STAT4: variants seen among roughly 807,000 people sequenced by gnomAD.
STAT4 encodes signal transducer and activator of transcription 4.
Under a neutral mutation model 110.5 loss-of-function variants are expected in STAT4, and 42 were observed. The ratio of observed to expected loss-of-function variants is 0.38; its 90% confidence interval spans 0.30 to 0.49. The LOEUF (loss-of-function observed/expected upper bound fraction) is 0.49, where lower values mean the gene tolerates loss of function less well. Ranked by LOEUF, STAT4 falls within the 20% of genes least tolerant of loss-of-function variation. STAT4 has a pLI of 0.95. For missense variants in STAT4, 632 were observed against 887.9 expected (o/e 0.71, Z 3.66); for synonymous variants, 284 against 302.2 (o/e 0.94, Z 0.63).
intron 3 of STAT4, among the ~76,000 whole-genome samples, chr2:191,088,080 G>A (rs144977702): frequency 6.6e-6 from 1 of 152,120 alleles, no homozygotes; most frequent in Non-Finnish European, 1.5e-5. Flanking sequence ...TATACAAATA[G>A]GGAAGGATGT....
Position 191,062,832 on chromosome 2 carries a change from C to G in STAT4, c.871G>C (p.Asp291His). Residue 291 changes from aspartate (D) to histidine (H), a missense_variant, in exon 9 of 24, where the codon GAT becomes CAT. By Grantham distance (81) the Asp-to-His change is moderately conservative (BLOSUM62 -1). Around this residue, in one of 4 missense-constraint regions of STAT4, gnomAD observed 488 missense variants for 632.8 expected, o/e 0.77. Coordinates refer to ENST00000392320, the MANE Select transcript of STAT4 (RefSeq NM_003151.4). The surrounding 1 kb of genome is among the most constrained non-coding windows in gnomAD (Gnocchi z 4.9). ...EQSTKMTYEGDPIPMQRTHML... is the reference protein window; with the variant it reads ...EQSTKMTYEGHPIPMQRTHML... ...TGAGTTCTTTGCATTGGAATGGGAT[C>G]ACCTTCATATGTCATTTTGGTAGAT... 6.2e-7 allele frequency: 1 copy of G among 1,613,926 alleles called. No homozygotes were observed. The highest frequency in any genetic ancestry group is 8.5e-7 in the Non-Finnish European group (1 of 1,179,886).
At chr2:191,055,036 GA>G (rs1696641945) in intron 13 of STAT4, among the ~76,000 whole-genome samples, 1 of 151,756 alleles carries the variant, frequency 6.6e-6, no homozygotes, top group South Asian at 2.1e-4. Flanking sequence ...ATTACTGAAT[GA>G]AAAAAAGAGG....
intron 3 of STAT4, among the ~76,000 whole-genome samples, chr2:191,094,935 A>AG (rs1248030638): frequency 3.3e-5 from 5 of 151,400 alleles, no homozygotes; most frequent in Non-Finnish European, 7.4e-5. Flanking sequence ...AAAAAAAAAA[A>AG]AAAGTAGGGG....
Position 191,053,927 on chromosome 2 carries a change from A to G in STAT4, c.1251+563T>C, listed in dbSNP as rs2125204809. Among the ~76,000 whole-genome samples, 1 of 152,298 alleles carries G rather than the reference A, an allele frequency of 6.6e-6. No homozygotes were observed. Among genetic ancestry groups the G allele is most frequent in the South Asian group, 2.1e-4 (1 of 4,830 alleles). On this transcript the variant is annotated intron_variant, in intron 14 of 23. Coordinates refer to ENST00000392320, the MANE Select transcript of STAT4 (RefSeq NM_003151.4). This position sits in a 1 kb window ranked among gnomAD's most constrained non-coding sequence, Gnocchi z 4.5. ...TGGATCACTTGAGCCAAGGGGTTCAAGACCAGCCTGGGAAACATGGTGGGA... is the reference window on the plus strand; with the variant it reads ...TGGATCACTTGAGCCAAGGGGTTCAGGACCAGCCTGGGAAACATGGTGGGA...
chr2:191,052,931 C>T (rs1696572746), intron 14 of STAT4, among the ~76,000 whole-genome samples: 1 of 152,150 alleles, frequency 6.6e-6, no homozygotes. Flanking sequence ...ACTGCAGAGA[C>T]CTGCTTAGGG....
chr2:191,132,035 C>T, intron 3 of STAT4: 1 of 1,105,722 alleles, frequency 9.0e-7, no homozygotes, highest in Non-Finnish European at 1.2e-6. Flanking sequence ...TGGAACATAA[C>T]TGAAGAGAAA....
Position 191,144,255 on chromosome 2 carries a change from T to G in STAT4, c.273+2358A>C, listed in dbSNP as rs1699405989. On this transcript the variant is annotated intron_variant, in intron 3 of 23. Transcript: ENST00000392320. This position sits in a 1 kb window ranked among gnomAD's most constrained non-coding sequence, Gnocchi z 4.7. ...GGAGATGCTGCTTACCTTGTAGTTG[T>G]TGCTGGAGGGCTGGAGGATGAGAAC... Among the ~76,000 whole-genome samples, 1 of 152,144 alleles carries G rather than the reference T, an allele frequency of 6.6e-6. No individual in the cohort carries two copies. Among genetic ancestry groups the G allele is most frequent in the Admixed American group, 6.5e-5 (1 of 15,280 alleles).
intron 3 of STAT4, among the ~76,000 whole-genome samples, chr2:191,145,904 T>A (rs556909416): frequency 6.6e-6 from 1 of 152,264 alleles, no homozygotes; most frequent in Admixed American, 6.5e-5. Context: ...ATTCTTTAGA[T>A]CCCTGATTCA....
chr2:191,076,280 T>G lies in STAT4; in HGVS notation c.319A>C (p.Asn107His), dbSNP rs1337434431. 1 of 1,613,886 alleles carries G rather than the reference T, an allele frequency of 6.2e-7. No homozygotes were observed. The highest frequency in any genetic ancestry group is 1.1e-5 in the South Asian group (1 of 91,076). The change falls in exon 4 of 24, where the codon AAC (asparagine) becomes CAC (histidine). Residue 107 changes from asparagine (N) to histidine (H), a missense_variant. Physicochemically the swap from Asn to His is moderately conservative, Grantham distance 68. Transcript: ENST00000392320. ...ATTCTCCTCTCTTCCCTTAAACAGTTTGAAATAACCACAGCTACATGCATT... is the reference window on the plus strand; with the variant it reads ...ATTCTCCTCTCTTCCCTTAAACAGTGTGAAATAACCACAGCTACATGCATT... ...NPMHVAVVIS[N>H]CLREERRILA...
Position 191,061,818 on chromosome 2 carries a change from T to C in STAT4, c.945A>G (p.Ser315=). 6.2e-7 allele frequency: 1 copy of C among 1,610,960 alleles called. No homozygotes were observed. The highest frequency in any genetic ancestry group is 1.1e-5 in the South Asian group (1 of 90,198). The change falls in exon 10 of 24, where the codon TCA becomes TCG. Residue 315 remains serine, a synonymous_variant. Coordinates refer to ENST00000392320, the MANE Select transcript of STAT4 (RefSeq NM_003151.4). This position sits in a 1 kb window ranked among gnomAD's most constrained non-coding sequence, Gnocchi z 6.2. ...TFLIYNLFKN[S]FVVERQPCMP... is the part of the protein sequence containing the mutation. ...TACATGGCTGTCGCTCAACCACAAA[T>C]GAGCTAGATGAAAAGGAAATAAAGC...
chr2:191,042,354 A>G lies in STAT4; in HGVS notation c.1252-1206T>C, dbSNP rs1167772296. ...AAATAAATAAATAAAAGAATAAAAA[A>G]ACAGTGAAAAAAGTCTACTGTATTC... On this transcript the variant is annotated intron_variant, in intron 14 of 23. Transcript: ENST00000392320. The surrounding 1 kb of genome is among the most constrained non-coding windows in gnomAD (Gnocchi z 4.2). Among the ~76,000 whole-genome samples, 1 of 152,224 alleles carries G rather than the reference A, an allele frequency of 6.6e-6. No homozygotes were observed. The highest frequency in any genetic ancestry group is 2.4e-5 in the African/African-American group (1 of 41,466).
At chr2:191,148,332 C>G in intron 1 of STAT4, 128 bp from the exon 2 acceptor site, 1 of 1,230,594 alleles carries the variant, frequency 8.1e-7, no homozygotes, top group Non-Finnish European at 1.1e-6. Flanking sequence ...ACAAAAATTT[C>G]ACTAAGGTTT....
At chr2:191,052,226 G>T (rs984537451) in intron 14 of STAT4, among the ~76,000 whole-genome samples, 1 of 152,012 alleles carries the variant, frequency 6.6e-6, no homozygotes, top group African/African-American at 2.4e-5. Context: ...CCTGATTCCC[G>T]GTTTATCTTC....
intron 13 of STAT4, among the ~76,000 whole-genome samples, chr2:191,055,305 T>C (rs1428364456): frequency 6.6e-6 from 1 of 151,592 alleles, no homozygotes; most frequent in Non-Finnish European, 1.5e-5. Context: ...TTCATGCCAT[T>C]TTCCTGCCTC....
At chr2:191,096,619 T>G (rs1486560496) in intron 3 of STAT4, among the ~76,000 whole-genome samples, 1 of 152,118 alleles carries the variant, frequency 6.6e-6, no homozygotes, top group African/African-American at 2.4e-5. Flanking sequence ...GGAATGTATC[T>G]CAAAATAATA....
chr2:191,143,520 G>A lies in STAT4; in HGVS notation c.273+3093C>T, dbSNP rs1271776641. Among the ~76,000 whole-genome samples the A allele has an allele frequency of 3.3e-5, 5 of 152,090 alleles. No homozygotes were observed. Among genetic ancestry groups the A allele is most frequent in the African/African-American group, 4.8e-5 (2 of 41,412 alleles). ...CTTGGAGCTTCTTGAATTTGCCATCGGGAAACTGGTTTTGTTTTGTCCTTT... is the reference window on the plus strand; with the variant it reads ...CTTGGAGCTTCTTGAATTTGCCATCAGGAAACTGGTTTTGTTTTGTCCTTT... On this transcript the variant is annotated intron_variant, in intron 3 of 23. Coordinates refer to ENST00000392320, the MANE Select transcript of STAT4 (RefSeq NM_003151.4). This position sits in a 1 kb window ranked among gnomAD's most constrained non-coding sequence, Gnocchi z 5.6.
At position 191,082,304 on chromosome 2, in the gene STAT4, G is replaced by T. The variant is rs532862851; in HGVS notation, c.274-5979C>A. On this transcript the variant is annotated intron_variant, in intron 3 of 23. Transcript: ENST00000392320. The surrounding 1 kb of genome is among the most constrained non-coding windows in gnomAD (Gnocchi z 4.7). ...TATCAAATTTGTACCCTGCTGATTT[G>T]TTCCCGTCCCTTTCTGCATACATAA... Among the ~76,000 whole-genome samples the T allele has an allele frequency of 2.7e-4, 41 of 152,236 alleles. No individual in the cohort carries two copies. The highest frequency in any genetic ancestry group is 2.6e-3 in the Admixed American group (40 of 15,276).
chr2:191,056,779 ATT>A (rs34775786), intron 13 of STAT4, among the ~76,000 whole-genome samples: 147 of 94,510 alleles, frequency 1.6e-3, no homozygotes, highest in South Asian at 5.0e-3. Context: ...CTTCTACACT[ATT>A]TTTTTTTTTT....
intron 3 of STAT4, among the ~76,000 whole-genome samples, chr2:191,139,743 G>GA (rs1383040009): frequency 6.6e-6 from 1 of 152,030 alleles, no homozygotes; most frequent in Admixed American, 6.5e-5. Context: ...CATAGATTTA[G>GA]AAAAAACAAT....
Sources: gnomAD v4.1 joint callset for allele counts (sites outside exome capture counted in the v4.1 genomes callset) on GRCh38, gnomAD v4.1.1 for gene constraint, gnomAD v4.1.1 regional missense constraint, Gnocchi (gnomAD v3.1) non-coding constraint, MANE v1.5 for transcripts, NCBI Gene and HGNC (gene_info 2026-07-23, HGNC 2026-07-21) for gene names.